The following RBMS3 variants were observed in gnomAD, a reference collection of about 807,000 sequenced individuals.
RBMS3 encodes the protein RNA binding motif single stranded interacting protein 3.
In RBMS3, 27 loss-of-function variants were observed where a neutral mutation model predicts 66.8. The ratio of observed to expected loss-of-function variants is 0.40; its 90% confidence interval spans 0.30 to 0.56. The LOEUF is 0.56. RBMS3 is among the 20% of genes least tolerant of loss of function. The pLI, the probability that RBMS3 is intolerant of heterozygous loss-of-function variation, is 0.40. For synonymous variants in RBMS3, 188 were observed against 183.0 expected, an observed-to-expected ratio of 1.03 and a Z score of -0.22; for missense variants, 513 against 549.5, an observed-to-expected ratio of 0.93 and a Z score of 0.66.
chr3:29,470,840 AAC>A (rs1046948726), intron 2 of RBMS3, among the ~76,000 whole-genome samples: 17 of 149,082 alleles, frequency 1.1e-4, no homozygotes, highest in African/African-American at 3.5e-4. Flanking sequence ...TCAATAAACA[AAC>A]ACACAAATAA....
intron 12 of RBMS3, among the ~76,000 whole-genome samples, chr3:29,951,007 A>G (rs1695649922): frequency 6.6e-6 from 1 of 151,906 alleles, no homozygotes; most frequent in Non-Finnish European, 1.5e-5. Context: ...TAGATGGAGT[A>G]CATTGCAAAT....
At chr3:29,631,434 G>A (rs2049277560) in intron 4 of RBMS3, among the ~76,000 whole-genome samples, 1 of 151,794 alleles carries the variant, frequency 6.6e-6, no homozygotes, top group South Asian at 2.1e-4. Flanking sequence ...TGAGTCATCT[G>A]ATAGCTCAAT....
chr3:29,623,740 G>C (rs2048960594), intron 4 of RBMS3, among the ~76,000 whole-genome samples: 1 of 152,104 alleles, frequency 6.6e-6, no homozygotes, highest in Non-Finnish European at 1.5e-5. Flanking sequence ...ACTTCAGCTA[G>C]AGGAAAAAAA....
At chr3:29,405,388 C>A (rs1360161289) in intron 1 of RBMS3, among the ~76,000 whole-genome samples, 1 of 152,076 alleles carries the variant, frequency 6.6e-6, no homozygotes, top group African/African-American at 2.4e-5. Context: ...TTTAAGAATT[C>A]TTTATTTTGT....
intron 12 of RBMS3, among the ~76,000 whole-genome samples, chr3:29,971,222 T>C (rs749249073): frequency 3.3e-5 from 5 of 152,150 alleles, no homozygotes; most frequent in Non-Finnish European, 5.9e-5. Context: ...AAAACTACAT[T>C]ATTTCATTAC....
At chr3:29,924,958 A>G (rs2060894248) in intron 10 of RBMS3, 2 of 152,234 alleles carry the variant, frequency 1.3e-5, no homozygotes, top group African/African-American at 4.8e-5. Context: ...GGAAACGATC[A>G]AGATGACTTA....
intron 4 of RBMS3, chr3:29,731,050 G>A: frequency 1.0e-6 from 1 of 984,230 alleles, no homozygotes; most frequent in Non-Finnish European, 1.2e-6. Context: ...GATCCTCATG[G>A]AATCATTCAC....
intron 2 of RBMS3, among the ~76,000 whole-genome samples, chr3:29,470,958 G>C (rs2042704607): frequency 6.6e-6 from 1 of 152,104 alleles, no homozygotes. Flanking sequence ...GTTTGTGTGT[G>C]TAACTTGCCC....
intron 4 of RBMS3, among the ~76,000 whole-genome samples, chr3:29,704,211 C>G (rs1368765191): frequency 2.0e-5 from 3 of 152,120 alleles, no homozygotes; most frequent in Non-Finnish European, 4.4e-5. Context: ...AAACCATCTC[C>G]CCACACAGGT....
Position 29,481,910 on chromosome 3 carries a change from G to A in RBMS3, c.249-6531G>A, listed in dbSNP as rs190927048. ...TTTAACATGTCACACATTGTGCTAG[G>A]AGTTTTAATACATACTATTTTATTT... On this transcript the variant is annotated intron_variant, in intron 2 of 14. Coordinates refer to ENST00000383767, the MANE Select transcript of RBMS3 (RefSeq NM_001003793.3). 1.5e-3 allele frequency among the ~76,000 whole-genome samples: 231 copies of A among 152,222 alleles called. 1 individual carries two copies. The highest frequency in any genetic ancestry group is 5.4e-3 in the African/African-American group (224 of 41,534).
Position 29,562,604 on chromosome 3 carries a change from A to G in RBMS3, c.308-24510A>G, listed in dbSNP as rs74872957. 6.8e-3 allele frequency among the ~76,000 whole-genome samples: 1,037 copies of G among 152,234 alleles called. 18 individuals carry two copies. Among genetic ancestry groups the G allele is most frequent in the African/African-American group, 0.024 (999 of 41,542 alleles). On this transcript the variant is annotated intron_variant, in intron 3 of 14. Transcript: ENST00000383767. ...AGGAATAACTTATTTTCCCTTCGAT[A>G]TACTTGATATATGGTTACTTGGTTA...
intron 2 of RBMS3, among the ~76,000 whole-genome samples, chr3:29,477,357 T>C (rs907028510): frequency 1.3e-5 from 2 of 152,158 alleles, no homozygotes; most frequent in African/African-American, 4.8e-5. Context: ...ATCCTAATCA[T>C]CTTGTTTCAT....
intron 1 of RBMS3, among the ~76,000 whole-genome samples, chr3:29,420,407 C>T (rs1001634674): frequency 2.0e-5 from 3 of 152,134 alleles, no homozygotes; most frequent in Non-Finnish European, 4.4e-5. Flanking sequence ...GCAGTTGCAT[C>T]GCATTTCACC....
At chr3:29,368,717 G>A (rs536615083) in intron 1 of RBMS3, among the ~76,000 whole-genome samples, 1 of 152,176 alleles carries the variant, frequency 6.6e-6, no homozygotes, top group South Asian at 2.1e-4. Flanking sequence ...CTTATATACT[G>A]TTGCTGGGAA....
intron 1 of RBMS3, among the ~76,000 whole-genome samples, chr3:29,373,612 G>T (rs972533297): frequency 2.6e-5 from 4 of 152,142 alleles, no homozygotes; most frequent in Non-Finnish European, 4.4e-5. Context: ...CTTATGATTT[G>T]TGCTAGAGAC....
chr3:29,328,436 C>T (rs2035465115), intron 1 of RBMS3, among the ~76,000 whole-genome samples: 1 of 152,166 alleles, frequency 6.6e-6, no homozygotes, highest in South Asian at 2.1e-4. Flanking sequence ...CAGTTTCTTT[C>T]AATTCCACCA....
At chr3:29,990,021 AAT>A (rs1698723072) in intron 13 of RBMS3, among the ~76,000 whole-genome samples, 1 of 152,176 alleles carries the variant, frequency 6.6e-6, no homozygotes, top group Non-Finnish European at 1.5e-5. Flanking sequence ...GATTAAAAGA[AAT>A]ATTTCATTGA....
At chr3:29,992,688 G>A (rs1042275347) in intron 14 of RBMS3, among the ~76,000 whole-genome samples, 2 of 152,176 alleles carry the variant, frequency 1.3e-5, no homozygotes, top group Non-Finnish European at 2.9e-5. Context: ...GACAGCTGGG[G>A]ATCTGTAGCC....
chr3:29,700,007 A>T (rs1490999278), intron 4 of RBMS3, among the ~76,000 whole-genome samples: 1 of 152,066 alleles, frequency 6.6e-6, no homozygotes, highest in Non-Finnish European at 1.5e-5. Context: ...TGTCATATTT[A>T]AATTAGATGC....
Sources: gnomAD v4.1 joint callset for allele counts (sites outside exome capture counted in the v4.1 genomes callset) on GRCh38, gnomAD v4.1.1 for gene constraint, MANE v1.5 for transcripts, NCBI Gene and HGNC (gene_info 2026-07-23, HGNC 2026-07-21) for gene names.